Variants in ENTPD7 observed in about 807,000 individuals in gnomAD.
ENTPD7 encodes ectonucleoside triphosphate diphosphohydrolase 7, also known as NTPDase 7.
A neutral mutation model predicts 77.9 loss-of-function variants in ENTPD7; 53 were observed. The ratio of observed to expected loss-of-function variants is 0.68; its 90% CI spans 0.55 to 0.85. The LOEUF is 0.85. Ranked by LOEUF, ENTPD7 falls within the 40% of genes least tolerant of loss-of-function variation. The pLI is 0.00. For missense variants in ENTPD7, 636 were observed against 743.7 expected (o/e 0.86, Z 1.68); for synonymous variants, 248 against 274.9 (o/e 0.90, Z 0.97).
At chr10:99,665,256 G>GAAAA (rs11428277) in intron 3 of ENTPD7, among the ~76,000 whole-genome samples, 1 of 142,244 alleles carries the variant, frequency 7.0e-6, no homozygotes, top group Middle Eastern at 3.3e-3. Flanking sequence ...CTGTCTCAAA[G>GAAAA]AAAAAAAAAA....
chr10:99,701,149 C>A, intron 11 of ENTPD7, 91 bp downstream of exon 11: 1 of 1,128,760 alleles, frequency 8.9e-7, no homozygotes, highest in Non-Finnish European at 1.3e-6. Context: ...GATTAGATTT[C>A]ATGTTGAGGG....
At position 99,709,513 on chromosome 10, in the gene ENTPD7, A is replaced by G. The variant is rs1034188399; in HGVS notation, c.*4830A>G. 9.1e-6 allele frequency: 9 copies of G among 983,964 alleles called. No individual in the cohort carries two copies. The African/African-American group carries it at 1.4e-4, about 15-fold the overall frequency. The allele number at this position is 983,964 out of a possible 1,614,324, so 61.0% of individuals were successfully genotyped here. Reference sequence around the variant, plus strand: ...CTAAGACTCAAAACCAAAAGTTGTGATTAATAATAACAGGATTATTAGTCA... The same window carrying G: ...CTAAGACTCAAAACCAAAAGTTGTGGTTAATAATAACAGGATTATTAGTCA... On this transcript the variant is annotated 3_prime_UTR_variant, in exon 13 of 13. Coordinates refer to ENST00000370489, the MANE Select transcript of ENTPD7 (RefSeq NM_020354.5).
At position 99,700,942 on chromosome 10, in the gene ENTPD7, A is replaced by T. The variant is rs762469031; in HGVS notation, c.1336-31A>T. On this transcript the variant is annotated intron_variant, in intron 10 of 12. Coordinates refer to ENST00000370489, the MANE Select transcript of ENTPD7 (RefSeq NM_020354.5). ...AGGTAGAGAGTTTGCCTCCAAATTC[A>T]TGTTGCACTATTTCTCTGTGGTTGA... is the stretch of plus-strand genomic sequence containing the variant. 3 of 1,586,354 alleles carry T rather than the reference A, an allele frequency of 1.9e-6. No homozygotes were observed. The African/African-American group carries it at 4.0e-5, about 21-fold the overall frequency.
chr10:99,672,475 T>C (rs2035629320), intron 3 of ENTPD7, among the ~76,000 whole-genome samples: 1 of 151,806 alleles, frequency 6.6e-6, no homozygotes, highest in Non-Finnish European at 1.5e-5. Flanking sequence ...CCGACTAATT[T>C]TTATATTCTT....
intron 10 of ENTPD7, among the ~76,000 whole-genome samples, chr10:99,700,576 AAT>A (rs1448763233): frequency 1.3e-5 from 2 of 152,126 alleles, no homozygotes; most frequent in Non-Finnish European, 2.9e-5. Flanking sequence ...AACCAAAAGG[AAT>A]GATTATTTTG....
rs1260230910 is a variant in ENTPD7, at chr10:99,674,923, T to C, written c.192-4338T>C. 3.9e-5 allele frequency among the ~76,000 whole-genome samples: 6 copies of C among 152,250 alleles called. No homozygotes were observed. The South Asian group carries it at 1.2e-3, about 32-fold the overall frequency. On this transcript the variant is annotated intron_variant, in intron 3 of 12. Transcript: ENST00000370489. ...GGAAGAAAAGATTCAGTTCCACTTA[T>C]GAATATCTTTTCAATATTCTATGTG...
At chr10:99,684,471 A>G (rs1032914694) in intron 5 of ENTPD7, among the ~76,000 whole-genome samples, 4 of 152,268 alleles carry the variant, frequency 2.6e-5, no homozygotes, top group Non-Finnish European at 5.9e-5. Context: ...TAGGGACAGA[A>G]GAATACCCCT....
chr10:99,683,369 C>T (rs1650552336), intron 5 of ENTPD7, among the ~76,000 whole-genome samples: 1 of 152,014 alleles, frequency 6.6e-6, no homozygotes, highest in Admixed American at 6.6e-5. Flanking sequence ...ATTTCTTTGC[C>T]AAAGGCCTGG....
Position 99,702,492 on chromosome 10 carries a change from T to G in ENTPD7, c.1422-20T>G. 2 of 1,513,020 alleles carry G rather than the reference T, an allele frequency of 1.3e-6. No homozygotes were observed. Among genetic ancestry groups the G allele is most frequent in the Non-Finnish European group, 1.8e-6 (2 of 1,132,056 alleles). The allele number at this position is 1,513,020 out of a possible 1,614,324, so 93.7% of individuals were successfully genotyped here. A position where few individuals can be genotyped will look rare whatever the true frequency, so the allele number is the denominator to read the frequency against. On this transcript the variant is annotated intron_variant, in intron 11 of 12. Transcript: ENST00000370489. ...AATTCTTTTCTCTTTTTTTAAAATT[T>G]AATTATTTTTGTCACACAGATATCA...
At chr10:99,684,146 C>T (rs2035784200) in intron 5 of ENTPD7, among the ~76,000 whole-genome samples, 1 of 152,150 alleles carries the variant, frequency 6.6e-6, no homozygotes, top group Non-Finnish European at 1.5e-5. Context: ...ACCTCCACCT[C>T]CCGGGTTCAA....
rs562903697 is a variant in ENTPD7 at position 99,706,263 on chromosome 10, G to C, written c.*1580G>C. On this transcript the variant is annotated 3_prime_UTR_variant, in exon 13 of 13. Coordinates refer to ENST00000370489, the MANE Select transcript of ENTPD7 (RefSeq NM_020354.5). Reference sequence around the variant, plus strand: ...TAAGTATACTGACCCTTGGTTGGTAGATAAAAAGATGACCAGTCTTGTATT... The same window carrying C: ...TAAGTATACTGACCCTTGGTTGGTACATAAAAAGATGACCAGTCTTGTATT... 6.6e-6 allele frequency: 1 copy of C among 151,316 alleles called. No homozygotes were observed. The highest frequency in any genetic ancestry group is 2.4e-5 in the African/African-American group (1 of 41,276). The allele number at this position is 151,316 out of a possible 1,614,324, so 9.4% of individuals were successfully genotyped here.
Position 99,709,531 on chromosome 10 carries a change from A to G in ENTPD7, c.*4848A>G. The G allele has an allele frequency of 1.0e-6, 1 of 983,486 alleles. No homozygotes were observed. The highest frequency in any genetic ancestry group is 1.7e-5 in the African/African-American group (1 of 57,346). The allele number at this position is 983,486 out of a possible 1,614,324, so 60.9% of individuals were successfully genotyped here. A position where few individuals can be genotyped will look rare whatever the true frequency, so the allele number is the denominator to read the frequency against. Reference sequence around the variant, plus strand: ...AGTTGTGATTAATAATAACAGGATTATTAGTCAATAATATTTTGATTAATA... The same window carrying G: ...AGTTGTGATTAATAATAACAGGATTGTTAGTCAATAATATTTTGATTAATA... On this transcript the variant is annotated 3_prime_UTR_variant, in exon 13 of 13. Transcript: ENST00000370489.
At position 99,705,734 on chromosome 10, in the gene ENTPD7, G is replaced by C. The variant is rs922579755; in HGVS notation, c.*1051G>C. 5 of 152,164 alleles carry C rather than the reference G, an allele frequency of 3.3e-5. No homozygotes were observed. The highest frequency in any genetic ancestry group is 5.9e-5 in the Non-Finnish European group (4 of 68,036). 9.4% of individuals were successfully genotyped at this position (152,164 alleles called of 1,614,324 possible). A position where few individuals can be genotyped will look rare whatever the true frequency, so the allele number is the denominator to read the frequency against. ...AGAAGTTTCTCAATTTATGACTCTT[G>C]GAATGTCTGAAAGGGAGCAAATTTG... On this transcript the variant is annotated 3_prime_UTR_variant, in exon 13 of 13. Coordinates refer to ENST00000370489, the MANE Select transcript of ENTPD7 (RefSeq NM_020354.5).
chr10:99,667,741 C>T (rs962233122), intron 3 of ENTPD7, among the ~76,000 whole-genome samples: 1 of 152,026 alleles, frequency 6.6e-6, no homozygotes, highest in African/African-American at 2.4e-5. Context: ...TAGATGTGGG[C>T]ACATTATGAC....
chr10:99,709,858 TAA>T lies in ENTPD7; in HGVS notation c.*5176_*5177del. On this transcript the variant is annotated 3_prime_UTR_variant, in exon 13 of 13. Transcript: ENST00000370489. The stretch of plus-strand genomic sequence containing the variant: ...CGTTATCAGAGGGACGAGGAAGGAA[TAA>T]CACACCAGTTGACCATTTTGTTTCT... 1 of 985,412 alleles carries T rather than the reference TAA, an allele frequency of 1.0e-6. No homozygotes were observed. Among genetic ancestry groups the T allele is most frequent in the Non-Finnish European group, 1.2e-6 (1 of 829,892 alleles). The allele number at this position is 985,412 out of a possible 1,614,324, so 61.0% of individuals were successfully genotyped here.
chr10:99,700,434 G>C (rs1046316603), intron 10 of ENTPD7, among the ~76,000 whole-genome samples: 1 of 93,424 alleles, frequency 1.1e-5, no homozygotes, highest in African/African-American at 3.7e-5. Context: ...GTGTGTGTGT[G>C]TGTGTGTGTG....
rs774034291 is a variant in ENTPD7 at position 99,691,371 on chromosome 10, CTTAT to C, written c.710-7_710-4del. 10 of 1,607,182 alleles carry C rather than the reference CTTAT, an allele frequency of 6.2e-6. No individual in the cohort carries two copies. The highest frequency in any genetic ancestry group is 3.5e-4 in the Middle Eastern group (2 of 5,698). The stretch of plus-strand genomic sequence containing the variant: ...TTAATTACTAGGGCCTTTTTGTTCT[CTTAT>C]TTATTTCAGAATCAGATGCTGAGGC... On this transcript the variant is annotated splice_polypyrimidine_tract_variant and intron_variant, in intron 7 of 12. Transcript: ENST00000370489.
At chr10:99,685,734 C>T in intron 5 of ENTPD7, 58 bp from the exon 6 acceptor site, 1 of 1,255,226 alleles carries the variant, frequency 8.0e-7, no homozygotes, top group Non-Finnish European at 1.2e-6. Context: ...CAAGTTGAGG[C>T]AGTTTATGAG....
chr10:99,673,321 C>CA (rs370518830), intron 3 of ENTPD7, among the ~76,000 whole-genome samples: 85 of 143,236 alleles, frequency 5.9e-4, no homozygotes, highest in East Asian at 1.4e-3. Flanking sequence ...TTATATATGA[C>CA]AAAAAAAAAA....
Sources: gnomAD v4.1 joint callset for allele counts (sites outside exome capture counted in the v4.1 genomes callset) on GRCh38, gnomAD v4.1.1 for gene constraint, MANE v1.5 for transcripts, NCBI Gene and HGNC (gene_info 2026-07-23, HGNC 2026-07-21) for gene names.